The following GMDS variants were observed in gnomAD, a reference collection of about 807,000 sequenced individuals.
GMDS encodes GDP-mannose 4,6 dehydratase.
A neutral mutation model predicts 49.9 loss-of-function variants in GMDS; 20 were observed. The ratio of observed to expected loss-of-function variants is 0.40; its 90% CI spans 0.28 to 0.58. GMDS has a LOEUF of 0.58. Ranked by LOEUF, GMDS falls within the 20% of genes least tolerant of loss-of-function variation. GMDS has a pLI of 0.42. For synonymous variants in GMDS, 177 were observed against 178.6 expected, an observed-to-expected ratio of 0.99 and a Z score of 0.07; for missense variants, 362 against 481.4, an observed-to-expected ratio of 0.75 and a Z score of 2.32.
intron 1 of GMDS, among the ~76,000 whole-genome samples, chr6:2,159,063 A>G (rs2127543637): frequency 6.6e-6 from 1 of 152,346 alleles, no homozygotes; most frequent in East Asian, 1.9e-4. Flanking sequence ...TCAATTTTTT[A>G]GAATTGCGAC....
intron 1 of GMDS, among the ~76,000 whole-genome samples, chr6:2,195,809 C>T (rs1779253116): frequency 6.7e-6 from 1 of 148,192 alleles, no homozygotes; most frequent in African/African-American, 2.5e-5. Flanking sequence ...TAAGAAAGAC[C>T]TTGTCTCTAC....
intron 7 of GMDS, among the ~76,000 whole-genome samples, chr6:1,786,307 A>T (rs1769319268): frequency 6.6e-6 from 1 of 152,258 alleles, no homozygotes; most frequent in South Asian, 2.1e-4. Flanking sequence ...CTCAGTAAAA[A>T]GCATCCAGGA....
chr6:1,935,158 G>C (rs746509734), intron 6 of GMDS, among the ~76,000 whole-genome samples: 4 of 152,190 alleles, frequency 2.6e-5, no homozygotes, highest in Middle Eastern at 3.2e-3. Flanking sequence ...TCAATGAATG[G>C]AGGGAAAGCC....
intron 9 of GMDS, among the ~76,000 whole-genome samples, chr6:1,718,140 C>CT (rs1020749444): frequency 1.3e-5 from 2 of 152,138 alleles, no homozygotes; most frequent in Admixed American, 6.5e-5. Context: ...TGTGCACACT[C>CT]TTTTTCCCCC....
intron 1 of GMDS, among the ~76,000 whole-genome samples, chr6:2,160,744 T>C (rs1334330216): frequency 6.6e-6 from 1 of 151,990 alleles, no homozygotes; most frequent in Non-Finnish European, 1.5e-5. Context: ...CCTAGGCTGG[T>C]CTCCAACTCC....
intron 7 of GMDS, among the ~76,000 whole-genome samples, chr6:1,848,801 C>A (rs1050773745): frequency 1.3e-5 from 2 of 152,062 alleles, no homozygotes; most frequent in African/African-American, 4.8e-5. Flanking sequence ...GTAGGCATCA[C>A]CTAGGAGGGT....
intron 7 of GMDS, among the ~76,000 whole-genome samples, chr6:1,854,399 G>A (rs1300035747): frequency 3.3e-5 from 5 of 152,192 alleles, no homozygotes; most frequent in African/African-American, 1.2e-4. Flanking sequence ...ACACGCTGAT[G>A]ACAAACTTCC....
intron 4 of GMDS, among the ~76,000 whole-genome samples, chr6:2,042,608 T>TA (rs1237995306): frequency 5.9e-5 from 9 of 152,250 alleles, no homozygotes; most frequent in Admixed American, 5.2e-4. Flanking sequence ...AGTTGTAGCT[T>TA]AAAAAATTTT....
intron 1 of GMDS, among the ~76,000 whole-genome samples, chr6:2,180,098 G>C (rs1310060070): frequency 6.6e-6 from 1 of 152,178 alleles, no homozygotes; most frequent in African/African-American, 2.4e-5. Flanking sequence ...GGTACTTCAA[G>C]ACTGCTCAGG....
intron 4 of GMDS, among the ~76,000 whole-genome samples, chr6:2,052,866 G>T (rs1482463978): frequency 1.3e-5 from 2 of 152,110 alleles, no homozygotes; most frequent in African/African-American, 4.8e-5. Context: ...AGACTGTCAG[G>T]CCCAAACAAT....
chr6:2,137,215 T>TC (rs1341252755), intron 1 of GMDS, among the ~76,000 whole-genome samples: 1 of 152,210 alleles, frequency 6.6e-6, no homozygotes, highest in Non-Finnish European at 1.5e-5. Context: ...CAACATGAAT[T>TC]CTAATATCTG....
At chr6:1,835,867 TA>T (rs1287612568) in intron 7 of GMDS, among the ~76,000 whole-genome samples, 2 of 151,712 alleles carry the variant, frequency 1.3e-5, no homozygotes, top group African/African-American at 4.8e-5. Context: ...TATTTTATTT[TA>T]TTTTTTATTT....
intron 7 of GMDS, among the ~76,000 whole-genome samples, chr6:1,767,594 G>A (rs755111874): frequency 6.6e-6 from 1 of 152,218 alleles, no homozygotes; most frequent in Non-Finnish European, 1.5e-5. Context: ...GGGACTGAGA[G>A]AGATGTTAAG....
chr6:2,056,334 A>G (rs560600633), intron 4 of GMDS, among the ~76,000 whole-genome samples: 66 of 152,356 alleles, frequency 4.3e-4, no homozygotes, highest in African/African-American at 1.5e-3. Context: ...ATTCAAAGAC[A>G]GGCAAACTGG....
chr6:2,237,298 A>G (rs1051094426), intron 1 of GMDS, among the ~76,000 whole-genome samples: 94 of 152,238 alleles, frequency 6.2e-4, no homozygotes, highest in Non-Finnish European at 1.1e-3. Flanking sequence ...TAGGTTTGGC[A>G]CATTGGTGCC....
intron 7 of GMDS, among the ~76,000 whole-genome samples, chr6:1,907,313 C>A (rs984093198): frequency 6.6e-6 from 1 of 152,104 alleles, no homozygotes; most frequent in Admixed American, 6.5e-5. Context: ...AATCAAGCAC[C>A]CCACGGTCCC....
chr6:2,105,523 C>A lies in GMDS; in HGVS notation c.345+10248G>T, dbSNP rs139438187. Reference sequence around the variant, plus strand: ...TAGTGTGAGCCATATGGGAATGTTACAACAAACAAAAAAACCCTGTCCCCT... The same window carrying A: ...TAGTGTGAGCCATATGGGAATGTTAAAACAAACAAAAAAACCCTGTCCCCT... On this transcript the variant is annotated intron_variant, in intron 4 of 10. Transcript: ENST00000380815. Among the ~76,000 whole-genome samples the A allele has an allele frequency of 2.6e-5, 4 of 152,068 alleles. No individual in the cohort carries two copies. The East Asian group carries it at 7.7e-4, about 29-fold the overall frequency.
chr6:2,241,003 A>C lies in GMDS; in HGVS notation c.102+4318T>G, dbSNP rs55829828. On this transcript the variant is annotated intron_variant, in intron 1 of 10. Coordinates refer to ENST00000380815, the MANE Select transcript of GMDS (RefSeq NM_001500.4). ...TCACCTGCTAAAGAGGTTGGCATGG[A>C]TAAAAGGGAGCCAGGTGCTAATAGT... 8.6e-3 allele frequency among the ~76,000 whole-genome samples: 1,315 copies of C among 152,344 alleles called. 21 individuals carry two copies. The highest frequency in any genetic ancestry group is 0.03 in the African/African-American group (1,245 of 41,588).
In GMDS at chr6:1,913,336, C is replaced by G. The variant is rs529983416; in HGVS notation, c.771+16767G>C. ...GCGGAGCTTGCAGTGAGCCGAGATC[C>G]TGCCACTGCACTCCAGCCTGGGCGA... is the stretch of plus-strand genomic sequence containing the variant. On this transcript the variant is annotated intron_variant, in intron 7 of 10. Coordinates refer to ENST00000380815, the MANE Select transcript of GMDS (RefSeq NM_001500.4). Among the ~76,000 whole-genome samples, 977 of 149,146 alleles carry G rather than the reference C, an allele frequency of 6.6e-3. 16 individuals carry two copies. Among genetic ancestry groups the G allele is most frequent in the African/African-American group, 0.022 (892 of 40,262 alleles).
Sources: allele counts gnomAD v4.1 joint callset (sites outside exome capture counted in the v4.1 genomes callset), GRCh38; gene constraint gnomAD v4.1.1; transcripts MANE v1.5; gene names NCBI Gene and HGNC (gene_info 2026-07-23, HGNC 2026-07-21).